The following ZNF200 variants were observed in gnomAD, a reference collection of about 807,000 sequenced individuals.
ZNF200 encodes the protein zinc finger protein 200.
ZNF200 carries 35 observed loss-of-function variants against 33.6 expected under a neutral mutation model. The observed-to-expected ratio is 1.04, with a 90% CI of 0.80 to 1.38. ZNF200 has a LOEUF of 1.38. ZNF200 is among the 40% of genes most tolerant of loss of function. The pLI, the probability that ZNF200 is intolerant of heterozygous loss-of-function variation, is 0.00. For missense variants in ZNF200, 592 were observed against 470.6 expected (o/e 1.26, Z -2.39); for synonymous variants, 209 against 167.7 (o/e 1.25, Z -1.90).
In ZNF200 at chr16:3,232,467, C is replaced by G. The variant is rs749980213; in HGVS notation, c.420G>C (p.Thr140=). 1.2e-6 allele frequency: 2 copies of G among 1,614,098 alleles called. No individual in the cohort carries two copies. Among genetic ancestry groups the G allele is most frequent in the South Asian group, 2.2e-5 (2 of 91,086 alleles). ...CACTGCTGTCATCTTCCTTCTCTGACGTGAGTTGTTGAGTAGGATCCAAGC... is the reference window on the plus strand; with the variant it reads ...CACTGCTGTCATCTTCCTTCTCTGAGGTGAGTTGTTGAGTAGGATCCAAGC... ...CVSLDPTQQL[T]SEKEDDSSVG... Residue 140 remains threonine (T), a synonymous_variant, in exon 4 of 5, where the codon ACG becomes ACC. Coordinates refer to ENST00000414144, the MANE Select transcript of ZNF200 (RefSeq NM_198088.3).
Position 3,233,566 on chromosome 16 carries a change from G to C in ZNF200, c.190C>G (p.Gln64Glu), listed in dbSNP as rs1280800128. The C allele has an allele frequency of 7.5e-6, 12 of 1,604,540 alleles. No homozygotes were observed. Among genetic ancestry groups the C allele is most frequent in the Non-Finnish European group, 1.0e-5 (12 of 1,175,892 alleles). Reference protein sequence around the residue: ...LPKPSLVQPSQKVKETLVIMK... With the variant: ...LPKPSLVQPSEKVKETLVIMK... The stretch of plus-strand genomic sequence containing the variant: ...ATAACCAAGGTCTCCTTGACTTTCT[G>C]ACTGGGCTGGACCAGGCTTGGCTTG... The change falls in exon 2 of 5, where the codon CAG (glutamine) becomes GAG (glutamate). Residue 64 changes from glutamine (Q) to glutamate (E), a missense_variant. Physicochemically the swap from Gln to Glu is conservative, Grantham distance 29. Coordinates refer to ENST00000414144, the MANE Select transcript of ZNF200 (RefSeq NM_198088.3).
At position 3,223,719 on chromosome 16, in the gene ZNF200, C is replaced by T; in HGVS notation, c.*173G>A. 1.0e-6 allele frequency: 1 copy of T among 1,004,938 alleles called. No individual in the cohort carries two copies. The highest frequency in any genetic ancestry group is 1.8e-5 in the South Asian group (1 of 56,930). 62.3% of individuals were successfully genotyped at this position (1,004,938 alleles called of 1,614,324 possible). A position where few individuals can be genotyped will look rare whatever the true frequency, so the allele number is the denominator to read the frequency against. ...TATAGCCCTTGAAATGTTTTCTTCCCTGTGAATTTTCTAGCAATTTGAGGT... is the reference window on the plus strand; with the variant it reads ...TATAGCCCTTGAAATGTTTTCTTCCTTGTGAATTTTCTAGCAATTTGAGGT... On this transcript the variant is annotated 3_prime_UTR_variant, in exon 5 of 5. Coordinates refer to ENST00000414144, the MANE Select transcript of ZNF200 (RefSeq NM_198088.3).
Position 3,223,974 on chromosome 16 carries a change from C to A in ZNF200, c.1106G>T (p.Cys369Phe). 6.2e-7 allele frequency: 1 copy of A among 1,614,074 alleles called. No individual in the cohort carries two copies. The highest frequency in any genetic ancestry group is 1.6e-4 in the Middle Eastern group (1 of 6,062). The part of the protein sequence containing the change: ...EAERPYGCKK[C>F]GRRFGRLSNC... ...TGACAGCCGACCAAATCTTCTCCCA[C>A]ATTTTTTGCAACCATATGGTCTCTC... is the stretch of plus-strand genomic sequence containing the variant. Residue 369 changes from cysteine (C) to phenylalanine (F), a missense_variant, in exon 5 of 5, where the codon TGT (cysteine) becomes TTT (phenylalanine). Coordinates refer to ENST00000414144, the MANE Select transcript of ZNF200 (RefSeq NM_198088.3).
intron 4 of ZNF200, 107 bp from the exon 5 acceptor site, chr16:3,224,720 G>A: frequency 7.1e-7 from 1 of 1,416,488 alleles, no homozygotes; most frequent in Admixed American, 2.4e-5. Context: ...GTCAATCTGG[G>A]GAGTGGCGGA....
intron 2 of ZNF200, 61 bp downstream of exon 2, chr16:3,233,445 C>T (rs951415873): frequency 6.7e-7 from 1 of 1,484,742 alleles, no homozygotes; most frequent in East Asian, 2.4e-5. Context: ...AACACAGAAA[C>T]CTATCTTAGA....
chr16:3,228,219 A>G (rs1185012894), intron 4 of ZNF200, among the ~76,000 whole-genome samples: 2 of 152,146 alleles, frequency 1.3e-5, no homozygotes, highest in South Asian at 2.1e-4. Context: ...GTGAAAGCCA[A>G]TGATTTCTGT....
chr16:3,233,785 G>A lies in ZNF200; in HGVS notation c.-30C>T, dbSNP rs779915731. ...TGCAACCACACACCACACTCGTTTC[G>A]CGGGGCCTCCAGAGCCACCTCTTAC... On this transcript the variant is annotated 5_prime_UTR_variant, in exon 2 of 5. Transcript: ENST00000414144. The A allele has an allele frequency of 1.5e-5, 23 of 1,579,372 alleles. No homozygotes were observed. The East Asian group carries it at 2.3e-4, about 16-fold the overall frequency.
chr16:3,232,607 G>T lies in ZNF200; in HGVS notation c.340-60C>A, dbSNP rs548855722. On this transcript the variant is annotated intron_variant, in intron 3 of 4. Coordinates refer to ENST00000414144, the MANE Select transcript of ZNF200 (RefSeq NM_198088.3). ...CTGAGGTTCACTGACAGCCCTACTG[G>T]TAAGAAAAGCTGACACACAAAGATC... The T allele has an allele frequency of 8.8e-6, 14 of 1,589,704 alleles. No homozygotes were observed. In the East Asian group the frequency reaches 2.7e-4, roughly 30 times the overall value.
At position 3,231,474 on chromosome 16, in the gene ZNF200, C is replaced by T; in HGVS notation, c.466+947G>A. Among the ~76,000 whole-genome samples the T allele has an allele frequency of 1.3e-5, 2 of 152,118 alleles. 1 individual carries two copies. ...AACTTCACCCTCAGAAACAAAAAGC[C>T]CTGAAGGCAAAGTAAAAAGTGTCCG... On this transcript the variant is annotated intron_variant, in intron 4 of 4. Transcript: ENST00000414144.
In ZNF200 at chr16:3,223,892, T is replaced by A. The variant is rs754367159; in HGVS notation, c.1188A>T (p.Ter396TyrextTer20). ...HSACKTRKQK[*>Y] ...TCAGACCCAGAAAGGGTTCCCAGTA[T>A]TACTTCTGCTTTCGGGTCTTACAGG... is the stretch of plus-strand genomic sequence containing the variant. Residue 396 changes from the stop codon to tyrosine (Y), a stop_lost, in exon 5 of 5, where the codon TAA becomes TAT. Transcript: ENST00000414144. The A allele has an allele frequency of 1.2e-6, 2 of 1,607,298 alleles. No individual in the cohort carries two copies. Among genetic ancestry groups the A allele is most frequent in the Non-Finnish European group, 1.7e-6 (2 of 1,176,376 alleles).
Position 3,224,399 on chromosome 16 carries a change from A to G in ZNF200, c.681T>C (p.Pro227=), listed in dbSNP as rs2141613911. ...CTACATATTTTGAGAGTTCCTCTAG[A>G]GGAGTATCATTCTCAATGGTAACTA... ...NLLVTIENDT[P]LEELSKYVDI... is the part of the protein sequence containing the mutation. The change falls in exon 5 of 5, where the codon CCT becomes CCC. Residue 227 remains proline, a synonymous_variant. Coordinates refer to ENST00000414144, the MANE Select transcript of ZNF200 (RefSeq NM_198088.3). 6.2e-7 allele frequency: 1 copy of G among 1,614,210 alleles called. No individual in the cohort carries two copies. Among genetic ancestry groups the G allele is most frequent in the East Asian group, 2.2e-5 (1 of 44,886 alleles).
At chr16:3,226,047 CTTT>C (rs1958461509) in intron 4 of ZNF200, 1 of 39,496 alleles carries the variant, frequency 2.5e-5, no homozygotes, top group African/African-American at 8.9e-5. Context: ...ATTATTTTTT[CTTT>C]CTTTTTTTTT....
rs1442887961 is a variant in ZNF200 at position 3,232,864 on chromosome 16, G to A, written c.308C>T (p.Thr103Ile). The A allele has an allele frequency of 1.2e-6, 2 of 1,613,746 alleles. No homozygotes were observed. The highest frequency in any genetic ancestry group is 2.7e-5 in the African/African-American group (2 of 74,942). ...GTTAGCTTTCAAATACAGAGACACTGTCTCTTGTTCCTTTTGGACTCCTTT... is the reference window on the plus strand; with the variant it reads ...GTTAGCTTTCAAATACAGAGACACTATCTCTTGTTCCTTTTGGACTCCTTT... ...LPKGVQKEQE[T>I]VSLYLKANPE... The change falls in exon 3 of 5, where the codon ACA becomes ATA. Residue 103 changes from threonine to isoleucine, a missense_variant. By Grantham distance (89) the Thr-to-Ile change is moderately conservative. Coordinates refer to ENST00000414144, the MANE Select transcript of ZNF200 (RefSeq NM_198088.3).
intron 4 of ZNF200, chr16:3,225,325 A>T (rs538205344): frequency 6.6e-6 from 1 of 152,386 alleles, no homozygotes; most frequent in Non-Finnish European, 1.5e-5. Flanking sequence ...CATGCCTGTA[A>T]TCTCAGCTAC....
chr16:3,230,105 T>G, intron 4 of ZNF200, among the ~76,000 whole-genome samples: 1 of 152,210 alleles, frequency 6.6e-6, no homozygotes, highest in Non-Finnish European at 1.5e-5. Context: ...CCTGGCACCT[T>G]CCTACTCTCT....
At chr16:3,233,094 G>A (rs1428727318) in intron 2 of ZNF200, among the ~76,000 whole-genome samples, 173 bp from the exon 3 acceptor site, 1 of 152,056 alleles carries the variant, frequency 6.6e-6, no homozygotes, top group Admixed American at 6.5e-5. Flanking sequence ...TTGAACCTAT[G>A]GCATCTCCCT....
intron 4 of ZNF200, chr16:3,226,408 T>C (rs1209665316): frequency 1.3e-5 from 2 of 152,210 alleles, no homozygotes; most frequent in African/African-American, 2.4e-5. Context: ...ATTTTTACCA[T>C]AGCTCTTGAC....
At chr16:3,234,454 G>C (rs543508045) in intron 1 of ZNF200, among the ~76,000 whole-genome samples, 1 of 152,076 alleles carries the variant, frequency 6.6e-6, no homozygotes, top group East Asian at 1.9e-4. Flanking sequence ...TCAGGGAAGA[G>C]AAAGAAAATA....
chr16:3,225,832 T>C (rs1416792815), intron 4 of ZNF200: 3 of 151,744 alleles, frequency 2.0e-5, no homozygotes, highest in Admixed American at 6.6e-5. Context: ...CACCAAGACA[T>C]GGGGGCTGAT....
Sources: allele counts gnomAD v4.1 joint callset (sites outside exome capture counted in the v4.1 genomes callset), GRCh38; gene constraint gnomAD v4.1.1; transcripts MANE v1.5; gene names NCBI Gene and HGNC (gene_info 2026-07-23, HGNC 2026-07-21).